The following DSP variants were observed in gnomAD, a reference collection of about 807,000 sequenced individuals.
DSP encodes 250/210 kDa paraneoplastic pemphigus antigen.
DSP carries 114 observed loss-of-function variants against 290.6 expected under a neutral mutation model. That is an observed-to-expected ratio of 0.39 (90% CI 0.34 to 0.46). The LOEUF (loss-of-function observed/expected upper bound fraction) is 0.46. Among genes scored for constraint, DSP ranks in the 20% least tolerant of loss-of-function variants. The pLI is 0.99. For missense variants in DSP, 3,230 were observed against 3,495.8 expected (o/e 0.92, Z 1.92); for synonymous variants, 1,311 against 1,316.4 (o/e 1.00, Z 0.09).
rs181378432 is a variant in DSP at position 7,584,061 on chromosome 6, A to T, written c.6799A>T (p.Thr2267Ser). The T allele has an allele frequency of 9.9e-5, 159 of 1,614,174 alleles. No homozygotes were observed. In the East Asian group the frequency reaches 3.3e-3, roughly 34 times the overall value. Residue 2267 changes from threonine to serine, a missense_variant, in exon 24 of 24, where the codon ACC (threonine) becomes TCC (serine). By Grantham distance (58) the Thr-to-Ser change is moderately conservative (BLOSUM62 1). Around this residue, in one of 5 missense-constraint regions of DSP, gnomAD observed 207 missense variants for 281.2 expected, o/e 0.74. Coordinates refer to ENST00000379802, the MANE Select transcript of DSP (RefSeq NM_004415.4). The surrounding 1 kb of genome is among the most constrained non-coding windows in gnomAD (Gnocchi z 6.4). ...CTGCATAGCAGGCATATACAATGAG[A>T]CCACAAAACAGAAGCTTGGCATTTA... ...SSCIAGIYNETTKQKLGIYEA... is the reference protein window; with the variant it reads ...SSCIAGIYNESTKQKLGIYEA...
chr6:7,563,607 C>A, intron 5 of DSP, 129 bp from the exon 6 acceptor site: 1 of 801,074 alleles, frequency 1.2e-6, no homozygotes, highest in Non-Finnish European at 2.2e-6. Flanking sequence ...TCTCATAGAG[C>A]TAGTAATTCT....
At chr6:7,557,556 T>C (rs778575824) in intron 2 of DSP, among the ~76,000 whole-genome samples, 1 of 152,200 alleles carries the variant, frequency 6.6e-6, no homozygotes, top group Non-Finnish European at 1.5e-5. Flanking sequence ...GGCACATGCC[T>C]GTAGTCTCAG....
At chr6:7,564,864 G>T (rs1235753520) in intron 6 of DSP, among the ~76,000 whole-genome samples, 2 of 152,118 alleles carry the variant, frequency 1.3e-5, no homozygotes, top group Admixed American at 1.3e-4. Context: ...AAAATTTAAG[G>T]CCAGGTGTGG....
At position 7,585,262 on chromosome 6, in the gene DSP, A is replaced by G. The variant is rs1265293656; in HGVS notation, c.8000A>G (p.Gln2667Arg). The change falls in exon 24 of 24, where the codon CAG becomes CGG. Residue 2667 changes from glutamine to arginine, a missense_variant. Gln to Arg is a conservative substitution (Grantham distance 43, BLOSUM62 1). Coordinates refer to ENST00000379802, the MANE Select transcript of DSP (RefSeq NM_004415.4). ...TGGIIHPTTG[Q>R]KLSLQDAVSQ... ...GGCATCATCCACCCAACCACGGGCC[A>G]GAAGCTGTCACTTCAGGACGCAGTC... 2 of 1,614,210 alleles carry G rather than the reference A, an allele frequency of 1.2e-6. No homozygotes were observed. Among genetic ancestry groups the G allele is most frequent in the Non-Finnish European group, 1.7e-6 (2 of 1,180,048 alleles).
chr6:7,581,576 A>G lies in DSP; in HGVS notation c.5379+7A>G. 1 of 1,612,438 alleles carries G rather than the reference A, an allele frequency of 6.2e-7. No homozygotes were observed. Among genetic ancestry groups the G allele is most frequent in the African/African-American group, 1.3e-5 (1 of 75,064 alleles). Reference sequence around the variant, plus strand: ...CCAAAAGCAGGCTTTAGAGGTATTCACAAATACTTGATCACAGCTTCACTG... The same window carrying G: ...CCAAAAGCAGGCTTTAGAGGTATTCGCAAATACTTGATCACAGCTTCACTG... On this transcript the variant is annotated splice_region_variant and intron_variant, in intron 23 of 23. Transcript: ENST00000379802.
chr6:7,547,706 G>A (rs1758207043), intron 1 of DSP, among the ~76,000 whole-genome samples: 1 of 151,744 alleles, frequency 6.6e-6, no homozygotes, highest in African/African-American at 2.4e-5. Context: ...CAAAGTGCTA[G>A]AATTACAGGC....
rs370550974 is a variant in DSP at position 7,579,487 on chromosome 6, G to A, written c.3297G>A (p.Lys1099=). 2.5e-6 allele frequency: 4 copies of A among 1,613,922 alleles called. No individual in the cohort carries two copies. The highest frequency in any genetic ancestry group is 2.5e-6 in the Non-Finnish European group (3 of 1,180,038). Reference sequence around the variant, plus strand: ...AGTCGGCTAAGCAAAATCTAGACAAGTGCTACGGCCAAATAAAAGAACTCA... The same window carrying A: ...AGTCGGCTAAGCAAAATCTAGACAAATGCTACGGCCAAATAAAAGAACTCA... ...DGKSAKQNLD[K]CYGQIKELNE... The change falls in exon 23 of 24, where the codon AAG becomes AAA. Residue 1099 remains lysine, a synonymous_variant. Transcript: ENST00000379802. The surrounding 1 kb of genome is among the most constrained non-coding windows in gnomAD (Gnocchi z 4.1).
In DSP at chr6:7,574,882, A is replaced by C. The variant is rs557261552; in HGVS notation, c.2436+87A>C. 8 of 1,592,060 alleles carry C rather than the reference A, an allele frequency of 5.0e-6. No homozygotes were observed. In the South Asian group the frequency reaches 8.9e-5, roughly 18 times the overall value. On this transcript the variant is annotated intron_variant, in intron 17 of 23. Coordinates refer to ENST00000379802, the MANE Select transcript of DSP (RefSeq NM_004415.4). ...AATTATAAAGCCTCACTGGGTTTTC[A>C]TGAGTTTTGAGGATTATTGGGTTTC...
intron 15 of DSP, among the ~76,000 whole-genome samples, chr6:7,573,787 A>G (rs1759136069): frequency 6.6e-6 from 1 of 152,172 alleles, no homozygotes; most frequent in African/African-American, 2.4e-5. Flanking sequence ...GAAGATGTAA[A>G]GGATACAAAC....
chr6:7,580,590 A>C lies in DSP; in HGVS notation c.4400A>C (p.Gln1467Pro), dbSNP rs1399977950. The C allele has an allele frequency of 2.5e-6, 4 of 1,614,156 alleles. No homozygotes were observed. Among genetic ancestry groups the C allele is most frequent in the Non-Finnish European group, 3.4e-6 (4 of 1,180,042 alleles). ...MRTEESVRYK[Q>P]SLDDAAKTIQ... ...ACAGAGGAGAGCGTAAGATATAAGCAATCTCTTGATGATGCTGCCAAAACC... is the reference window on the plus strand; with the variant it reads ...ACAGAGGAGAGCGTAAGATATAAGCCATCTCTTGATGATGCTGCCAAAACC... The change falls in exon 23 of 24, where the codon CAA (glutamine) becomes CCA (proline). Residue 1467 changes from glutamine to proline, a missense_variant. This residue lies in a region of DSP where 1,714 missense variants were observed against 1,844.5 expected (regional missense o/e 0.93). Transcript: ENST00000379802. This position sits in a 1 kb window ranked among gnomAD's most constrained non-coding sequence, Gnocchi z 4.2.
At chr6:7,557,694 A>C (rs1288091055) in intron 2 of DSP, among the ~76,000 whole-genome samples, 1 of 152,176 alleles carries the variant, frequency 6.6e-6, no homozygotes, top group African/African-American at 2.4e-5. Flanking sequence ...AAATAAAAAT[A>C]AAAATAAAAA....
chr6:7,571,191 A>G, intron 13 of DSP, among the ~76,000 whole-genome samples, 192 bp from the exon 14 acceptor site: 1 of 152,112 alleles, frequency 6.6e-6, no homozygotes, highest in East Asian at 1.9e-4. Context: ...AAAAAAAAAA[A>G]AAATTAGCAA....
intron 1 of DSP, among the ~76,000 whole-genome samples, chr6:7,554,335 G>A (rs1289306712): frequency 6.6e-6 from 1 of 152,128 alleles, no homozygotes; most frequent in Non-Finnish European, 1.5e-5. Flanking sequence ...CCAGACTTTG[G>A]TTATACCTTG....
In DSP at chr6:7,582,887, G is replaced by A. The variant is rs1759487697; in HGVS notation, c.5625G>A (p.Glu1875=). ...GGAAGACTCAATATTCCCGCAAGGA[G>A]GAGGCTATTAGGAAGATAGAATCGG... ...NQWKTQYSRK[E]EAIRKIESER... The change falls in exon 24 of 24, where the codon GAG becomes GAA. Residue 1875 remains glutamate (E), a synonymous_variant. Coordinates refer to ENST00000379802, the MANE Select transcript of DSP (RefSeq NM_004415.4). The surrounding 1 kb of genome is among the most constrained non-coding windows in gnomAD (Gnocchi z 4.2). 1 of 1,613,994 alleles carries A rather than the reference G, an allele frequency of 6.2e-7. No homozygotes were observed. Among genetic ancestry groups the A allele is most frequent in the African/African-American group, 1.3e-5 (1 of 74,890 alleles).
chr6:7,558,190 C>A lies in DSP; in HGVS notation c.348C>A (p.Asp116Glu). ...ATGAGTGTTTTGCCCAGGCCAATGA[C>A]CAAATGGAAATCCTCGACAGCTTGA... Reference protein sequence around the residue: ...ELDECFAQANDQMEILDSLIR... With the variant: ...ELDECFAQANEQMEILDSLIR... Residue 116 changes from aspartate to glutamate, a missense_variant, in exon 3 of 24, where the codon GAC (aspartate) becomes GAA (glutamate). By Grantham distance (45) the Asp-to-Glu change is conservative (BLOSUM62 2). This residue lies in a region of DSP where 646 missense variants were observed against 684.3 expected (regional missense o/e 0.94). Coordinates refer to ENST00000379802, the MANE Select transcript of DSP (RefSeq NM_004415.4). The A allele has an allele frequency of 6.2e-7, 1 of 1,614,192 alleles. No individual in the cohort carries two copies. Among genetic ancestry groups the A allele is most frequent in the Non-Finnish European group, 8.5e-7 (1 of 1,180,032 alleles).
chr6:7,552,413 A>AG, intron 1 of DSP, among the ~76,000 whole-genome samples: 1 of 144,580 alleles, frequency 6.9e-6, no homozygotes, highest in East Asian at 2.0e-4. Flanking sequence ...AAAAAAAAAA[A>AG]ATAGCTGGGC....
chr6:7,565,343 T>C lies in DSP; in HGVS notation c.778-16T>C. ...CATATTGTTATTTTAATGCTGCCTT[T>C]GAACCTCCTGTGCAGAAAGCGTCCT... On this transcript the variant is annotated splice_polypyrimidine_tract_variant and intron_variant, in intron 6 of 23. Coordinates refer to ENST00000379802, the MANE Select transcript of DSP (RefSeq NM_004415.4). The surrounding 1 kb of genome is among the most constrained non-coding windows in gnomAD (Gnocchi z 4.2). 6.2e-7 allele frequency: 1 copy of C among 1,613,912 alleles called. No individual in the cohort carries two copies. Among genetic ancestry groups the C allele is most frequent in the Non-Finnish European group, 8.5e-7 (1 of 1,179,966 alleles).
In DSP at chr6:7,580,111, C is replaced by G; in HGVS notation, c.3921C>G (p.Ala1307=). ...QVMQQRSEDN[A]RHKQSLEEAA... is the part of the protein sequence containing the mutation. Reference sequence around the variant, plus strand: ...TGCAGCAGCGCTCTGAGGACAATGCCCGGCACAAGCAGTCCCTGGAGGAGG... The same window carrying G: ...TGCAGCAGCGCTCTGAGGACAATGCGCGGCACAAGCAGTCCCTGGAGGAGG... The change falls in exon 23 of 24, where the codon GCC becomes GCG. Residue 1307 remains alanine, a synonymous_variant. Transcript: ENST00000379802. The surrounding 1 kb of genome is among the most constrained non-coding windows in gnomAD (Gnocchi z 4.2). 1.2e-6 allele frequency: 2 copies of G among 1,613,922 alleles called. No individual in the cohort carries two copies. The highest frequency in any genetic ancestry group is 1.7e-6 in the Non-Finnish European group (2 of 1,179,938).
At position 7,584,627 on chromosome 6, in the gene DSP, A is replaced by T. The variant is rs756402943; in HGVS notation, c.7365A>T (p.Thr2455=). The part of the protein sequence containing the change: ...PLKEKKKQVQ[T]SQKNTLRKRR... ...AAGAAAAGAAGAAACAGGTGCAGAC[A>T]TCACAAAAGAATACCCTCAGGAAGC... The change falls in exon 24 of 24, where the codon ACA becomes ACT. Residue 2455 remains threonine (T), a synonymous_variant. Transcript: ENST00000379802. The surrounding 1 kb of genome is among the most constrained non-coding windows in gnomAD (Gnocchi z 6.4). The T allele has an allele frequency of 6.2e-7, 1 of 1,614,170 alleles. No homozygotes were observed. Among genetic ancestry groups the T allele is most frequent in the Non-Finnish European group, 8.5e-7 (1 of 1,180,024 alleles).
Sources: allele counts gnomAD v4.1 joint callset (sites outside exome capture counted in the v4.1 genomes callset), GRCh38; gene constraint gnomAD v4.1.1; regional missense constraint gnomAD v4.1.1; non-coding constraint Gnocchi (gnomAD v3.1); transcripts MANE v1.5; gene names NCBI Gene and HGNC (gene_info 2026-07-23, HGNC 2026-07-21).